The following CRKL variants were observed in gnomAD, a reference collection of about 807,000 sequenced individuals.
CRKL encodes the protein crk-like protein.
Under a neutral mutation model 23.0 loss-of-function variants are expected in CRKL, and 3 were observed. That is an observed-to-expected ratio of 0.13 (90% CI 0.06 to 0.34). CRKL has a LOEUF of 0.34. Among genes scored for constraint, CRKL ranks in the 10% least tolerant of loss-of-function variants. The pLI is 1.00. For synonymous variants in CRKL, 188 were observed against 160.7 expected, an observed-to-expected ratio of 1.17 and a Z score of -1.28; for missense variants, 256 against 394.5, an observed-to-expected ratio of 0.65 and a Z score of 2.97.
At chr22:20,927,234 A>G (rs1427257791) in intron 1 of CRKL, among the ~76,000 whole-genome samples, 1 of 95,938 alleles carries the variant, frequency 1.0e-5, no homozygotes, top group Non-Finnish European at 1.8e-5. Context: ...TCTGTCGCCC[A>G]GGCTGAAGTG....
intron 2 of CRKL, among the ~76,000 whole-genome samples, chr22:20,943,247 A>G (rs1412824464): frequency 1.3e-5 from 2 of 151,674 alleles, no homozygotes; most frequent in Non-Finnish European, 2.9e-5. Flanking sequence ...TTTGTTTTAT[A>G]TTTTTTGAGA....
rs1339730250 is a variant in CRKL at position 20,951,344 on chromosome 22, T to A, written c.*1499T>A. ...TAATGTATTTGATGTCTTAGTGTTT[T>A]AGTGACTAGGGAGACCATTAACTAG... is the stretch of plus-strand genomic sequence containing the variant. On this transcript the variant is annotated 3_prime_UTR_variant, in exon 3 of 3. Transcript: ENST00000354336. The A allele has an allele frequency of 4.3e-6, 1 of 231,802 alleles. No individual in the cohort carries two copies. The highest frequency in any genetic ancestry group is 2.2e-5 in the African/African-American group (1 of 45,272). The allele number at this position is 231,802 out of a possible 1,614,324, so 14.4% of individuals were successfully genotyped here. A position where few individuals can be genotyped will look rare whatever the true frequency, so the allele number is the denominator to read the frequency against.
intron 2 of CRKL, among the ~76,000 whole-genome samples, chr22:20,947,756 T>A (rs1171317381): frequency 7.0e-6 from 1 of 142,234 alleles, no homozygotes; most frequent in African/African-American, 2.6e-5. Flanking sequence ...CACAGCTTAC[T>A]GCACCCCTGC....
At chr22:20,935,448 T>C (rs1488608153) in intron 2 of CRKL, among the ~76,000 whole-genome samples, 2 of 152,170 alleles carry the variant, frequency 1.3e-5, no homozygotes, top group Non-Finnish European at 2.9e-5. Flanking sequence ...CAGCCCTTGC[T>C]TGTTATGGAT....
At chr22:20,922,647 G>A (rs1479351916) in intron 1 of CRKL, among the ~76,000 whole-genome samples, 4 of 152,066 alleles carry the variant, frequency 2.6e-5, no homozygotes, top group Non-Finnish European at 4.4e-5. Flanking sequence ...ACTGCTTTTT[G>A]TATTTGTGGT....
rs1046777711 is a variant in CRKL, at chr22:20,953,146, T to A, written c.*3301T>A. The A allele has an allele frequency of 4.3e-6, 1 of 231,752 alleles. No individual in the cohort carries two copies. Among genetic ancestry groups the A allele is most frequent in the African/African-American group, 2.2e-5 (1 of 45,204 alleles). 14.4% of individuals were successfully genotyped at this position (231,752 alleles called of 1,614,324 possible). A position where few individuals can be genotyped will look rare whatever the true frequency, so the allele number is the denominator to read the frequency against. ...TTTGCCAGGTGTTTATAATTAATCC[T>A]TTAATATTATGGTTATTAACCTCTT... On this transcript the variant is annotated 3_prime_UTR_variant, in exon 3 of 3. Coordinates refer to ENST00000354336, the MANE Select transcript of CRKL (RefSeq NM_005207.4).
At chr22:20,939,428 A>G (rs945109138) in intron 2 of CRKL, among the ~76,000 whole-genome samples, 2 of 150,632 alleles carry the variant, frequency 1.3e-5, no homozygotes, top group Admixed American at 6.6e-5. Context: ...TGTATTTTTT[A>G]GTAGAGACGG....
In CRKL at chr22:20,941,584, A is replaced by T. The variant is rs1274566201; in HGVS notation, c.777+7340A>T. ...TGTGTGTGTGTGTGTGTGTGTATAT[A>T]TATATTTTTTTTTTTTTTTTTTTTT... On this transcript the variant is annotated intron_variant, in intron 2 of 2. Transcript: ENST00000354336. 1.0e-3 allele frequency among the ~76,000 whole-genome samples: 16 copies of T among 15,394 alleles called. 2 individuals carry two copies. The highest frequency in any genetic ancestry group is 3.3e-3 in the East Asian group (1 of 302). The allele number at this position is 15,394 out of a possible 152,430, so 10.1% of individuals were successfully genotyped here.
At position 20,953,166 on chromosome 22, in the gene CRKL, C is replaced by T. The variant is rs1017046453; in HGVS notation, c.*3321C>T. 4 of 231,732 alleles carry T rather than the reference C, an allele frequency of 1.7e-5. No individual in the cohort carries two copies. Among genetic ancestry groups the T allele is most frequent in the South Asian group, 1.8e-4 (1 of 5,522 alleles). 14.4% of individuals were successfully genotyped at this position (231,732 alleles called of 1,614,324 possible). On this transcript the variant is annotated 3_prime_UTR_variant, in exon 3 of 3. Coordinates refer to ENST00000354336, the MANE Select transcript of CRKL (RefSeq NM_005207.4). ...AATCCTTTAATATTATGGTTATTAA[C>T]CTCTTAAACATGAATGAATTCTTGA... is the stretch of plus-strand genomic sequence containing the variant.
intron 2 of CRKL, among the ~76,000 whole-genome samples, chr22:20,940,185 G>A (rs1045415056): frequency 1.3e-5 from 2 of 151,848 alleles, no homozygotes; most frequent in Admixed American, 6.6e-5. Flanking sequence ...ACAGATCTTT[G>A]TACTAAAGTC....
intron 2 of CRKL, among the ~76,000 whole-genome samples, chr22:20,940,662 A>G (rs1229874683): frequency 2.1e-5 from 3 of 146,098 alleles, no homozygotes; most frequent in Non-Finnish European, 4.5e-5. Context: ...CTTCATTCCC[A>G]TAATTGCTCT....
Position 20,952,889 on chromosome 22 carries a change from C to T in CRKL, c.*3044C>T. 1 of 231,008 alleles carries T rather than the reference C, an allele frequency of 4.3e-6. No homozygotes were observed. Among genetic ancestry groups the T allele is most frequent in the Non-Finnish European group, 8.6e-6 (1 of 116,452 alleles). The allele number at this position is 231,008 out of a possible 1,614,324, so 14.3% of individuals were successfully genotyped here. ...GGAAGACGATGTGTTGACCGGCTGC[C>T]GTTTGAGGACTTTGGTCACCCAGAC... On this transcript the variant is annotated 3_prime_UTR_variant, in exon 3 of 3. Coordinates refer to ENST00000354336, the MANE Select transcript of CRKL (RefSeq NM_005207.4).
At chr22:20,940,496 G>T (rs936316100) in intron 2 of CRKL, among the ~76,000 whole-genome samples, 10 of 151,238 alleles carry the variant, frequency 6.6e-5, no homozygotes, top group African/African-American at 2.4e-4. Context: ...ACTAGTCTTG[G>T]ACTCTTACTG....
intron 2 of CRKL, 37 bp from the exon 3 acceptor site, chr22:20,949,674 C>T (rs2147918114): frequency 1.2e-6 from 2 of 1,605,386 alleles, no homozygotes; most frequent in Non-Finnish European, 1.7e-6. Context: ...TTTCTTGTTG[C>T]AGAGAAATGC....
At chr22:20,949,635 A>G (rs2147918029) in intron 2 of CRKL, 76 bp from the exon 3 acceptor site, 7 of 1,563,516 alleles carry the variant, frequency 4.5e-6, no homozygotes, top group Non-Finnish European at 6.1e-6. Flanking sequence ...TGGATAAGGT[A>G]GTGTTTGTGA....
At chr22:20,935,526 T>TC (rs1010977752) in intron 2 of CRKL, among the ~76,000 whole-genome samples, 4 of 151,242 alleles carry the variant, frequency 2.6e-5, no homozygotes, top group East Asian at 3.9e-4. Context: ...TCTTTTCTTT[T>TC]TTTTTTTTTT....
rs1929740361 is a variant in CRKL at position 20,917,669 on chromosome 22, C to T, written c.-266C>T. ...AACCCCGGGGTGGCCTCCGCTGCGG[C>T]TCGGGTTTGCCTGCCCCGACCCCCC... On this transcript the variant is annotated 5_prime_UTR_variant, in exon 1 of 3. Coordinates refer to ENST00000354336, the MANE Select transcript of CRKL (RefSeq NM_005207.4). 1 of 484,614 alleles carries T rather than the reference C, an allele frequency of 2.1e-6. No individual in the cohort carries two copies. Among genetic ancestry groups the T allele is most frequent in the Non-Finnish European group, 3.6e-6 (1 of 275,632 alleles). 30.0% of individuals were successfully genotyped at this position (484,614 alleles called of 1,614,324 possible). A position where few individuals can be genotyped will look rare whatever the true frequency, so the allele number is the denominator to read the frequency against.
At chr22:20,931,916 G>A (rs927200433) in intron 1 of CRKL, among the ~76,000 whole-genome samples, 10 of 151,922 alleles carry the variant, frequency 6.6e-5, no homozygotes, top group East Asian at 1.9e-4. Context: ...GGCTCACACC[G>A]TTCTCCTGCC....
chr22:20,943,034 C>T (rs1022474155), intron 2 of CRKL, among the ~76,000 whole-genome samples: 1 of 143,230 alleles, frequency 7.0e-6, no homozygotes, highest in African/African-American at 2.5e-5. Flanking sequence ...ACATCCTCAT[C>T]AACACTTGTT....
Sources: gnomAD v4.1 joint callset for allele counts (sites outside exome capture counted in the v4.1 genomes callset) on GRCh38, gnomAD v4.1.1 for gene constraint, MANE v1.5 for transcripts, NCBI Gene and HGNC (gene_info 2026-07-23, HGNC 2026-07-21) for gene names.